Variants in LTBP1 observed in about 807,000 individuals in gnomAD.
The protein encoded by LTBP1 is latent-transforming growth factor beta-binding protein 1.
Under a neutral mutation model 207.6 loss-of-function variants are expected in LTBP1, and 129 were observed. The observed-to-expected ratio is 0.62, with a 90% confidence interval of 0.54 to 0.72. The LOEUF (loss-of-function observed/expected upper bound fraction) is 0.72. Ranked by LOEUF, LTBP1 falls within the 30% of genes least tolerant of loss-of-function variation. The probability of loss-of-function intolerance (pLI) is 0.00; values close to 1 mark genes in which losing one functional copy is unlikely to be tolerated. For synonymous variants in LTBP1, 963 were observed against 833.7 expected, an observed-to-expected ratio of 1.16 and a Z score of -2.67; for missense variants, 2,281 against 2,217.2, an observed-to-expected ratio of 1.03 and a Z score of -0.58.
chr2:33,055,282 C>T (rs537374127), intron 3 of LTBP1, among the ~76,000 whole-genome samples: 10 of 152,262 alleles, frequency 6.6e-5, no homozygotes, highest in Non-Finnish European at 1.0e-4. Context: ...TCGAGTGATT[C>T]GGGTGACAGG....
chr2:33,200,621 C>A (rs2089129767), intron 7 of LTBP1, among the ~76,000 whole-genome samples: 1 of 152,138 alleles, frequency 6.6e-6, no homozygotes, highest in Non-Finnish European at 1.5e-5. Flanking sequence ...CCAAAATTGA[C>A]AAATGGGATC....
chr2:33,254,690 G>A (rs1339125672), intron 11 of LTBP1, among the ~76,000 whole-genome samples: 1 of 144,876 alleles, frequency 6.9e-6, no homozygotes, highest in Non-Finnish European at 1.5e-5. Flanking sequence ...TTGGTGTGCT[G>A]CACCCATTAA....
rs114147775 is a variant in LTBP1 at position 33,093,097 on chromosome 2, C to G, written c.864-17485C>G. ...ATTAGAAGACCATGTGGCACCCACA[C>G]GAACTCCAGCAGACATTTTCTGAAG... is the stretch of plus-strand genomic sequence containing the variant. On this transcript the variant is annotated intron_variant, in intron 3 of 33. Coordinates refer to ENST00000404816, the MANE Select transcript of LTBP1 (RefSeq NM_206943.4). 5.3e-3 allele frequency among the ~76,000 whole-genome samples: 807 copies of G among 152,304 alleles called. 5 individuals carry two copies. Among genetic ancestry groups the G allele is most frequent in the African/African-American group, 0.018 (748 of 41,560 alleles).
At position 33,062,192 on chromosome 2, in the gene LTBP1, A is replaced by T. The variant is rs1253955300; in HGVS notation, c.863+40986A>T. Among the ~76,000 whole-genome samples the T allele has an allele frequency of 2.0e-5, 3 of 149,772 alleles. No individual in the cohort carries two copies. In the Admixed American group the frequency reaches 2.0e-4, roughly 10 times the overall value. ...GAGTTGGAATTTTTTATTAGTATAT[A>T]TCCTGGATATCAATCTTTTATCTCT... On this transcript the variant is annotated intron_variant, in intron 3 of 33. Coordinates refer to ENST00000404816, the MANE Select transcript of LTBP1 (RefSeq NM_206943.4).
At chr2:33,135,102 T>C (rs984820354) in intron 5 of LTBP1, 142 bp downstream of exon 5, 1 of 883,900 alleles carries the variant, frequency 1.1e-6, no homozygotes, top group South Asian at 2.1e-5. Context: ...TTTCATGGGA[T>C]CTTTTAAATT....
intron 2 of LTBP1, among the ~76,000 whole-genome samples, chr2:32,969,644 C>G (rs572943816): frequency 6.6e-6 from 1 of 152,298 alleles, no homozygotes; most frequent in Admixed American, 6.5e-5. Context: ...ATGGTATATA[C>G]ATACCACATT....
At chr2:32,969,606 A>G (rs994693092) in intron 2 of LTBP1, among the ~76,000 whole-genome samples, 1 of 152,150 alleles carries the variant, frequency 6.6e-6, no homozygotes, top group African/African-American at 2.4e-5. Context: ...ACATGATCTC[A>G]TTCTTTTTTA....
At chr2:33,166,402 T>C (rs576266506) in intron 5 of LTBP1, among the ~76,000 whole-genome samples, 1 of 152,324 alleles carries the variant, frequency 6.6e-6, no homozygotes, top group East Asian at 1.9e-4. Context: ...TTTAGGAGAA[T>C]TGCCAGAAGG....
At chr2:33,277,857 T>C (rs1354888398) in intron 18 of LTBP1, among the ~76,000 whole-genome samples, 3 of 135,936 alleles carry the variant, frequency 2.2e-5, no homozygotes, top group African/African-American at 8.6e-5. Flanking sequence ...TTAAAGACAG[T>C]CTTGCTCTGT....
intron 20 of LTBP1, 85 bp from the exon 21 acceptor site, chr2:33,300,365 CA>C: frequency 7.3e-7 from 1 of 1,366,784 alleles, no homozygotes. Context: ...ATTTTTGTTA[CA>C]CTAATCCCAG....
chr2:32,967,511 C>T (rs150695), intron 2 of LTBP1, among the ~76,000 whole-genome samples: 110,838 of 152,052 alleles, frequency 0.73, 41,261 homozygotes, highest in Non-Finnish European at 0.79. Context: ...TTCCATTAAG[C>T]TGTATTTTAA....
intron 4 of LTBP1, among the ~76,000 whole-genome samples, chr2:33,118,710 G>A (rs544199128): frequency 6.6e-6 from 1 of 151,978 alleles, no homozygotes; most frequent in South Asian, 2.1e-4. Context: ...TTTCATTCAA[G>A]GACAGGATAT....
Position 33,342,998 on chromosome 2 carries a change from A to G in LTBP1, c.3856+35A>G, listed in dbSNP as rs373256168. ...TAGATTTTTTCCCAACGTGTTTCAC[A>G]TGTCCCTAGGGAAAAGAAATCACAG... On this transcript the variant is annotated intron_variant, in intron 25 of 33. Transcript: ENST00000404816. The G allele has an allele frequency of 3.5e-5, 56 of 1,600,754 alleles. No individual in the cohort carries two copies. The African/African-American group carries it at 4.3e-4, about 12-fold the overall frequency.
intron 3 of LTBP1, among the ~76,000 whole-genome samples, chr2:33,074,694 C>T (rs1317973009): frequency 6.6e-6 from 1 of 152,052 alleles, no homozygotes; most frequent in African/African-American, 2.4e-5. Context: ...CACGGTGAAA[C>T]CCCGTCTCTA....
intron 3 of LTBP1, among the ~76,000 whole-genome samples, chr2:33,096,769 C>T (rs1323451853): frequency 6.6e-6 from 1 of 152,130 alleles, no homozygotes; most frequent in East Asian, 1.9e-4. Context: ...AGTAGCTGAG[C>T]ACAGGAAAGT....
At chr2:33,147,398 C>T (rs2083141938) in intron 5 of LTBP1, among the ~76,000 whole-genome samples, 1 of 152,150 alleles carries the variant, frequency 6.6e-6, no homozygotes, top group African/African-American at 2.4e-5. Flanking sequence ...TTCTGCATTT[C>T]TACCACATGC....
chr2:32,959,603 A>G (rs992837818), intron 2 of LTBP1, among the ~76,000 whole-genome samples: 50 of 40,936 alleles, frequency 1.2e-3, no homozygotes, highest in Admixed American at 1.7e-3. Flanking sequence ...ACGTGTATAT[A>G]TATATATATA....
At chr2:32,952,073 A>C (rs1677205912) in intron 2 of LTBP1, among the ~76,000 whole-genome samples, 1 of 152,200 alleles carries the variant, frequency 6.6e-6, no homozygotes, top group Non-Finnish European at 1.5e-5. Context: ...GATGCGAAAA[A>C]AATTTCTGTG....
rs576521215 is a variant in LTBP1 at position 33,081,982 on chromosome 2, CT to C, written c.864-28593del. On this transcript the variant is annotated intron_variant, in intron 3 of 33. Transcript: ENST00000404816. ...CCATGCGGAACTTGAGTCAATTAAA[CT>C]TTTTTTCTTTTATAAATTACCCAGT... Among the ~76,000 whole-genome samples the C allele has an allele frequency of 5.1e-4, 78 of 152,130 alleles. 1 individual carries two copies. Among genetic ancestry groups the C allele is most frequent in the Non-Finnish European group, 1.0e-3 (69 of 68,038 alleles).
Sources: allele counts gnomAD v4.1 joint callset (sites outside exome capture counted in the v4.1 genomes callset), GRCh38; gene constraint gnomAD v4.1.1; transcripts MANE v1.5; gene names NCBI Gene and HGNC (gene_info 2026-07-23, HGNC 2026-07-21).